Variants in ORC5 observed in about 807,000 individuals in gnomAD.
The protein encoded by ORC5 is origin recognition complex subunit 5, also known as protein phosphatase 1, regulatory subunit 117.
In ORC5, 39 loss-of-function variants were observed where a neutral mutation model predicts 58.8. That is an observed-to-expected ratio of 0.66 (90% confidence interval 0.51 to 0.87). The LOEUF (loss-of-function observed/expected upper bound fraction) is 0.87. Ranked by LOEUF, ORC5 falls within the 40% of genes least tolerant of loss-of-function variation. The probability of loss-of-function intolerance (pLI) is 0.00; values close to 1 mark genes in which losing one functional copy is unlikely to be tolerated. For synonymous variants in ORC5, 218 were observed against 177.6 expected (o/e 1.23, Z -1.81); for missense variants, 493 against 506.3 (o/e 0.97, Z 0.25).
intron 8 of ORC5, among the ~76,000 whole-genome samples, chr7:104,181,478 A>G (rs1474403295): frequency 6.6e-6 from 1 of 152,162 alleles, no homozygotes; most frequent in African/African-American, 2.4e-5. Flanking sequence ...TTTGACTGTC[A>G]TATCATATTA....
At chr7:104,192,098 G>A (rs1437164304) in intron 5 of ORC5, among the ~76,000 whole-genome samples, 3 of 152,094 alleles carry the variant, frequency 2.0e-5, no homozygotes, top group Admixed American at 1.3e-4. Flanking sequence ...GTGGTACAAG[G>A]AGACTTTCAA....
chr7:104,192,249 C>T (rs989471534), intron 5 of ORC5, among the ~76,000 whole-genome samples: 9 of 152,090 alleles, frequency 5.9e-5, no homozygotes, highest in Admixed American at 5.9e-4. Flanking sequence ...ACAGGGGTTC[C>T]CCTCAAGTCT....
chr7:104,140,455 C>T (rs377505947), intron 12 of ORC5, among the ~76,000 whole-genome samples: 1 of 152,008 alleles, frequency 6.6e-6, no homozygotes, highest in East Asian at 1.9e-4. Context: ...ATTTCTTTTT[C>T]GGCTCTCTTG....
intron 5 of ORC5, among the ~76,000 whole-genome samples, chr7:104,190,163 TATTA>T (rs953849043): frequency 1.3e-5 from 2 of 151,956 alleles, no homozygotes; most frequent in African/African-American, 4.8e-5. Flanking sequence ...AAAAAAAAAT[TATTA>T]AATACTAAGA....
In ORC5 at chr7:104,141,831, A is replaced by G. The variant is rs556819636; in HGVS notation, c.1150-4938T>C. Among the ~76,000 whole-genome samples the G allele has an allele frequency of 1.4e-4, 21 of 152,338 alleles. No individual in the cohort carries two copies. In the South Asian group the frequency reaches 4.1e-3, roughly 30 times the overall value. On this transcript the variant is annotated intron_variant, in intron 12 of 13. Transcript: ENST00000297431. ...ATGAAAGAAATTCAAGACGACACAA[A>G]TAAGTGAAAAGATACCTGTGTTCAA...
At chr7:104,161,815 G>T (rs1186697312) in intron 11 of ORC5, among the ~76,000 whole-genome samples, 3 of 152,116 alleles carry the variant, frequency 2.0e-5, no homozygotes, top group Non-Finnish European at 4.4e-5. Context: ...GTTATAACCA[G>T]GTGTTAAGTA....
chr7:104,174,840 T>C (rs1211480445), intron 8 of ORC5, among the ~76,000 whole-genome samples: 2 of 152,136 alleles, frequency 1.3e-5, no homozygotes, highest in Non-Finnish European at 2.9e-5. Flanking sequence ...CCAGTGAGCA[T>C]GTGTACAAGG....
Position 104,207,942 on chromosome 7 carries a change from C to A in ORC5, c.-38G>T. On this transcript the variant is annotated 5_prime_UTR_variant, in exon 1 of 14. Coordinates refer to ENST00000297431, the MANE Select transcript of ORC5 (RefSeq NM_002553.4). Reference sequence around the variant, plus strand: ...CACCGCAGAGGCCAGTGCAGCCAGCCCACAGGACCCTTGCACAAGACGGAG... The same window carrying A: ...CACCGCAGAGGCCAGTGCAGCCAGCACACAGGACCCTTGCACAAGACGGAG... 6.3e-7 allele frequency: 1 copy of A among 1,587,124 alleles called. No homozygotes were observed. Among genetic ancestry groups the A allele is most frequent in the African/African-American group, 1.3e-5 (1 of 74,420 alleles).
intron 13 of ORC5, among the ~76,000 whole-genome samples, chr7:104,128,312 G>A (rs554208778): frequency 7.2e-5 from 11 of 152,126 alleles, no homozygotes; most frequent in Non-Finnish European, 1.3e-4. Flanking sequence ...TAGTAGAGAT[G>A]GAGTTTCATC....
rs756639165 is a variant in ORC5 at position 104,200,842 on chromosome 7, T to G, written c.282A>C (p.Ile94=). ...SSSEDGCSTE[I]TCETFNDFVR... ...CAAAGTCATTAAATGTTTCACAGGT[T>G]ATTTCAGTAGAACATCCATCCTCTG... The change falls in exon 3 of 14, where the codon ATA becomes ATC. Residue 94 remains isoleucine, a synonymous_variant. Transcript: ENST00000297431. 3 of 1,613,068 alleles carry G rather than the reference T, an allele frequency of 1.9e-6. No homozygotes were observed. Among genetic ancestry groups the G allele is most frequent in the Non-Finnish European group, 2.5e-6 (3 of 1,179,058 alleles).
In ORC5 at chr7:104,197,774, C is replaced by T; in HGVS notation, c.392G>A (p.Arg131Lys). 6.3e-7 allele frequency: 1 copy of T among 1,592,652 alleles called. No homozygotes were observed. Among genetic ancestry groups the T allele is most frequent in the Non-Finnish European group, 8.5e-7 (1 of 1,170,682 alleles). Residue 131 changes from arginine (R) to lysine (K), a missense_variant, in exon 4 of 14, where the codon AGA becomes AAA. Transcript: ENST00000297431. ...YIVLDKAEYL[R>K]DMEANLLPGF... ...AGGCAAAAGATTTGCTTCCATATCT[C>T]TTAGATACTCTGCTTTATCTAGAAC...
intron 11 of ORC5, 81 bp from the exon 12 acceptor site, chr7:104,161,263 A>C: frequency 2.7e-6 from 2 of 753,284 alleles, no homozygotes; most frequent in Non-Finnish European, 4.6e-6. Flanking sequence ...TGCCAGTAAC[A>C]ATGTATTTTT....
At chr7:104,165,928 TG>T (rs1230455726) in intron 10 of ORC5, among the ~76,000 whole-genome samples, 1 of 151,836 alleles carries the variant, frequency 6.6e-6, no homozygotes, top group Non-Finnish European at 1.5e-5. Context: ...TAGCCAGGCG[TG>T]GGGGCACACA....
At chr7:104,189,991 T>TA (rs1036970399) in intron 5 of ORC5, among the ~76,000 whole-genome samples, 2 of 152,158 alleles carry the variant, frequency 1.3e-5, no homozygotes, top group African/African-American at 4.8e-5. Context: ...TTCTGGTAGT[T>TA]AGTGTCAGAA....
chr7:104,158,198 G>A (rs1215101230), intron 12 of ORC5, among the ~76,000 whole-genome samples: 1 of 152,030 alleles, frequency 6.6e-6, no homozygotes, highest in Non-Finnish European at 1.5e-5. Context: ...AAACTTCTCA[G>A]AAGCACTATC....
intron 13 of ORC5, among the ~76,000 whole-genome samples, chr7:104,128,971 C>T (rs919931408): frequency 1.3e-5 from 2 of 150,848 alleles, no homozygotes; most frequent in Non-Finnish European, 3.0e-5. Flanking sequence ...AATTCCAAAA[C>T]TAGGAGAATC....
chr7:104,184,267 A>G (rs1447592221), intron 6 of ORC5, 96 bp from the exon 7 acceptor site: 37 of 708,692 alleles, frequency 5.2e-5, no homozygotes, highest in Non-Finnish European at 7.5e-5. Flanking sequence ...CAGTTCAGGA[A>G]ATTTTACTTA....
chr7:104,165,937 A>G (rs1438060712), intron 10 of ORC5, among the ~76,000 whole-genome samples: 1 of 152,088 alleles, frequency 6.6e-6, no homozygotes, highest in Non-Finnish European at 1.5e-5. Flanking sequence ...GTGGGGGCAC[A>G]CACCTGTAAT....
intron 12 of ORC5, among the ~76,000 whole-genome samples, chr7:104,145,296 A>T (rs1798737918): frequency 6.6e-6 from 1 of 152,192 alleles, no homozygotes; most frequent in South Asian, 2.1e-4. Flanking sequence ...AGAGATACAC[A>T]ACAGTCATTC....
Sources: gnomAD v4.1 joint callset for allele counts (sites outside exome capture counted in the v4.1 genomes callset) on GRCh38, gnomAD v4.1.1 for gene constraint, MANE v1.5 for transcripts, NCBI Gene and HGNC (gene_info 2026-07-23, HGNC 2026-07-21) for gene names.